Variants in CAMKV observed in about 807,000 individuals in gnomAD.
CAMKV encodes caM kinase-like vesicle-associated protein.
In CAMKV, 5 loss-of-function variants were observed where a neutral mutation model predicts 50.2. The observed-to-expected ratio is 0.10, with a 90% CI of 0.05 to 0.21. CAMKV has a LOEUF of 0.21. Ranked by LOEUF, CAMKV falls within the 10% of genes least tolerant of loss-of-function variation. The pLI, the probability that CAMKV is intolerant of heterozygous loss-of-function variation, is 1.00. For synonymous variants in CAMKV, 229 were observed against 250.1 expected, an observed-to-expected ratio of 0.92 and a Z score of 0.80; for missense variants, 361 against 650.5, an observed-to-expected ratio of 0.55 and a Z score of 4.84.
chr3:49,862,235 A>T lies in CAMKV; in HGVS notation c.95+59T>A. The T allele has an allele frequency of 6.2e-7, 1 of 1,614,038 alleles. No individual in the cohort carries two copies. ...TTAGCATCAGCTGCACTCCACTGCCACTTCCCTAGCCCCTGCTCACCAGCC... is the reference window on the plus strand; with the variant it reads ...TTAGCATCAGCTGCACTCCACTGCCTCTTCCCTAGCCCCTGCTCACCAGCC... On this transcript the variant is annotated intron_variant, in intron 2 of 10. Transcript: ENST00000477224. The surrounding 1 kb of genome is among the most constrained non-coding windows in gnomAD (Gnocchi z 5.2).
In CAMKV at chr3:49,860,438, G is replaced by A. The variant is rs1223103604; in HGVS notation, c.854+33C>T. ...GGCTGCTGGGTGTGAGGGGGACCCT[G>A]GCCTCTCCCACCCTCCCCTGGACCC... On this transcript the variant is annotated intron_variant, in intron 9 of 10. Coordinates refer to ENST00000477224, the MANE Select transcript of CAMKV (RefSeq NM_024046.5). This position sits in a 1 kb window ranked among gnomAD's most constrained non-coding sequence, Gnocchi z 6.1. 1.2e-6 allele frequency: 2 copies of A among 1,604,098 alleles called. No individual in the cohort carries two copies. Among genetic ancestry groups the A allele is most frequent in the Non-Finnish European group, 1.7e-6 (2 of 1,172,876 alleles).
At chr3:49,866,835 C>T (rs770073128) in intron 1 of CAMKV, among the ~76,000 whole-genome samples, 4 of 152,248 alleles carry the variant, frequency 2.6e-5, no homozygotes, top group Admixed American at 6.5e-5. Flanking sequence ...CCAAGAGGTC[C>T]GGAGGCCCCA....
Position 49,859,301 on chromosome 3 carries a change from C to A in CAMKV, c.*17G>T, listed in dbSNP as rs765553809. The A allele has an allele frequency of 3.3e-6, 5 of 1,516,262 alleles. No individual in the cohort carries two copies. Among genetic ancestry groups the A allele is most frequent in the Middle Eastern group, 2.0e-4 (1 of 4,894 alleles). 93.9% of individuals were successfully genotyped at this position (1,516,262 alleles called of 1,614,324 possible). A position where few individuals can be genotyped will look rare whatever the true frequency, so the allele number is the denominator to read the frequency against. ...CCCTCCTGCCCATCCCCTGCCCCCCCTCACCAGGCTGCCTACTCAGCTGGC... is the reference window on the plus strand; with the variant it reads ...CCCTCCTGCCCATCCCCTGCCCCCCATCACCAGGCTGCCTACTCAGCTGGC... On this transcript the variant is annotated 3_prime_UTR_variant, in exon 11 of 11. Coordinates refer to ENST00000477224, the MANE Select transcript of CAMKV (RefSeq NM_024046.5). The surrounding 1 kb of genome is among the most constrained non-coding windows in gnomAD (Gnocchi z 5.5).
rs1191641665 is a variant in CAMKV, at chr3:49,861,859, C to T, written c.234G>A (p.Lys78=). 8 of 1,613,864 alleles carry T rather than the reference C, an allele frequency of 5.0e-6. No individual in the cohort carries two copies. Among genetic ancestry groups the T allele is most frequent in the Admixed American group, 3.3e-5 (2 of 60,026 alleles). Residue 78 remains lysine (K), a synonymous_variant, in exon 4 of 11, where the codon AAG becomes AAA. Transcript: ENST00000477224. The surrounding 1 kb of genome is among the most constrained non-coding windows in gnomAD (Gnocchi z 7.7). ...KNEIGILKMV[K]HPNILQLVDV... ...CCACCAGCTGTAGGATGTTGGGATG[C>T]TTCACCCTGGCGACAGGGAGGGGAG...
chr3:49,859,454 G>A lies in CAMKV; in HGVS notation c.1370C>T (p.Ala457Val). The change falls in exon 11 of 11, where the codon GCT becomes GTT. Residue 457 changes from alanine (A) to valine (V), a missense_variant. Coordinates refer to ENST00000477224, the MANE Select transcript of CAMKV (RefSeq NM_024046.5). This position sits in a 1 kb window ranked among gnomAD's most constrained non-coding sequence, Gnocchi z 5.5. ...GGCCATAGCCGGCTCAGGGGTGGCA[G>A]CTGCCTTGGTGGCCAGCATGGCACT... is the stretch of plus-strand genomic sequence containing the variant. ...QSSAMLATKA[A>V]ATPEPAMAQP... The A allele has an allele frequency of 6.2e-7, 1 of 1,613,822 alleles. No individual in the cohort carries two copies. Among genetic ancestry groups the A allele is most frequent in the Non-Finnish European group, 8.5e-7 (1 of 1,179,752 alleles).
Position 49,861,645 on chromosome 3 carries a change from G to A in CAMKV, c.303-68C>T, listed in dbSNP as rs1190688234. On this transcript the variant is annotated intron_variant, in intron 4 of 10. Transcript: ENST00000477224. This position sits in a 1 kb window ranked among gnomAD's most constrained non-coding sequence, Gnocchi z 7.7. The stretch of plus-strand genomic sequence containing the variant: ...GGGTAGGGCAGGAGCACTTGGGTGA[G>A]CTGCCTACGCCAGGCAGCTGGCTGA... 6.2e-7 allele frequency: 1 copy of A among 1,607,762 alleles called. No homozygotes were observed. The highest frequency in any genetic ancestry group is 1.7e-5 in the Admixed American group (1 of 59,748).
rs1320313 is a variant in CAMKV, at chr3:49,862,523, A to C, written c.-14-121T>G. On this transcript the variant is annotated intron_variant, in intron 1 of 10. Transcript: ENST00000477224. This position sits in a 1 kb window ranked among gnomAD's most constrained non-coding sequence, Gnocchi z 5.2. ...AGCTAGGGGCAGAGACCATACCAGG[A>C]GGGGCTAGAGGATAGGCAGGCTTAG... The C allele has an allele frequency of 1.1e-5, 9 of 783,188 alleles. No individual in the cohort carries two copies. The African/African-American group carries it at 1.2e-4, about 10-fold the overall frequency. 48.5% of individuals were successfully genotyped at this position (783,188 alleles called of 1,614,324 possible).
In CAMKV at chr3:49,862,724, G is replaced by A. The variant is rs2082032544; in HGVS notation, c.-14-322C>T. Among the ~76,000 whole-genome samples, 1 of 152,256 alleles carries A rather than the reference G, an allele frequency of 6.6e-6. No individual in the cohort carries two copies. The highest frequency in any genetic ancestry group is 1.5e-5 in the Non-Finnish European group (1 of 68,048). ...TTATTTAAATTTCAGCTATTTTACA[G>A]ATGAAGGGGGCTATAACCACCCACC... On this transcript the variant is annotated intron_variant, in intron 1 of 10. Coordinates refer to ENST00000477224, the MANE Select transcript of CAMKV (RefSeq NM_024046.5). This position sits in a 1 kb window ranked among gnomAD's most constrained non-coding sequence, Gnocchi z 5.2.
Position 49,861,158 on chromosome 3 carries a change from C to T in CAMKV, c.562+22G>A, listed in dbSNP as rs754741738. On this transcript the variant is annotated intron_variant, in intron 6 of 10. Coordinates refer to ENST00000477224, the MANE Select transcript of CAMKV (RefSeq NM_024046.5). The surrounding 1 kb of genome is among the most constrained non-coding windows in gnomAD (Gnocchi z 7.7). ...AGGCTGCCCCCCATTATCCCCCTGCCCCTGCCCCACCCCCTGCTTGCCCAG... is the reference window on the plus strand; with the variant it reads ...AGGCTGCCCCCCATTATCCCCCTGCTCCTGCCCCACCCCCTGCTTGCCCAG... 2.4e-5 allele frequency: 39 copies of T among 1,601,470 alleles called. No homozygotes were observed. Among genetic ancestry groups the T allele is most frequent in the Non-Finnish European group, 3.0e-5 (35 of 1,174,460 alleles).
At position 49,862,350 on chromosome 3, in the gene CAMKV, GTTC is replaced by G; in HGVS notation, c.36_38del (p.Lys12del). On this transcript the variant is annotated inframe_deletion, in exon 2 of 11. Transcript: ENST00000477224. The surrounding 1 kb of genome is among the most constrained non-coding windows in gnomAD (Gnocchi z 5.2). ...CAGTCACCTCCGATGGCTGGTTATAGTTCTTCTTGTCGCCCAGAGTCACACACC... is the reference window on the plus strand; with the variant it reads ...CAGTCACCTCCGATGGCTGGTTATAGTTCTTGTCGCCCAGAGTCACACACC... 4 of 1,614,210 alleles carry G rather than the reference GTTC, an allele frequency of 2.5e-6. No individual in the cohort carries two copies. Among genetic ancestry groups the G allele is most frequent in the South Asian group, 1.1e-5 (1 of 91,092 alleles).
In CAMKV at chr3:49,859,239, T is replaced by C. The variant is rs1166249261; in HGVS notation, c.*79A>G. ...GGAGCGAGGGCATCATGCCAGTGACTCTATGTACAGTGAGAAGCCCCTCAT... is the reference window on the plus strand; with the variant it reads ...GGAGCGAGGGCATCATGCCAGTGACCCTATGTACAGTGAGAAGCCCCTCAT... On this transcript the variant is annotated 3_prime_UTR_variant, in exon 11 of 11. Transcript: ENST00000477224. This position sits in a 1 kb window ranked among gnomAD's most constrained non-coding sequence, Gnocchi z 5.5. 3.9e-6 allele frequency: 5 copies of C among 1,293,794 alleles called. No homozygotes were observed. The highest frequency in any genetic ancestry group is 5.3e-6 in the Non-Finnish European group (5 of 946,098). 80.1% of individuals were successfully genotyped at this position (1,293,794 alleles called of 1,614,324 possible).
chr3:49,868,777 C>T (rs2108335592), intron 1 of CAMKV, among the ~76,000 whole-genome samples: 1 of 152,254 alleles, frequency 6.6e-6, no homozygotes, highest in South Asian at 2.1e-4. Flanking sequence ...GGGCTCAAAG[C>T]CTGGACTTGG....
chr3:49,868,584 C>T (rs984153944), intron 1 of CAMKV, among the ~76,000 whole-genome samples: 1 of 152,154 alleles, frequency 6.6e-6, no homozygotes, highest in African/African-American at 2.4e-5. Flanking sequence ...TAGGAGAGCA[C>T]CTGAAGGGTC....
rs372936283 is a variant in CAMKV at position 49,860,450 on chromosome 3, C to G, written c.854+21G>C. On this transcript the variant is annotated intron_variant, in intron 9 of 10. Coordinates refer to ENST00000477224, the MANE Select transcript of CAMKV (RefSeq NM_024046.5). The surrounding 1 kb of genome is among the most constrained non-coding windows in gnomAD (Gnocchi z 6.1). Reference sequence around the variant, plus strand: ...TGAGGGGGACCCTGGCCTCTCCCACCCTCCCCTGGACCCTGCTCACCACTC... The same window carrying G: ...TGAGGGGGACCCTGGCCTCTCCCACGCTCCCCTGGACCCTGCTCACCACTC... The G allele has an allele frequency of 4.3e-6, 7 of 1,610,784 alleles. No homozygotes were observed. The highest frequency in any genetic ancestry group is 5.1e-6 in the Non-Finnish European group (6 of 1,178,236).
Position 49,859,582 on chromosome 3 carries a change from A to C in CAMKV, c.1242T>G (p.Thr414=), listed in dbSNP as rs1231930870. ...PATDGSITPA[T]DGSVTPATDR... is the part of the protein sequence containing the mutation. ...CAGTGGCTGGGGTGACACTCCCATC[A>C]GTGGCTGGAGTGATGCTTCCATCGG... The change falls in exon 11 of 11, where the codon ACT becomes ACG. Residue 414 remains threonine, a synonymous_variant. Coordinates refer to ENST00000477224, the MANE Select transcript of CAMKV (RefSeq NM_024046.5). The surrounding 1 kb of genome is among the most constrained non-coding windows in gnomAD (Gnocchi z 5.5). 1.4e-5 allele frequency: 22 copies of C among 1,613,992 alleles called. No homozygotes were observed. The highest frequency in any genetic ancestry group is 1.8e-5 in the Non-Finnish European group (21 of 1,179,950).
chr3:49,859,134 A>G lies in CAMKV; in HGVS notation c.*184T>C. ...CGGCCCTGCCACTGGCCTGCCCACCACTCACACACATACACACAGGAGACG... is the reference window on the plus strand; with the variant it reads ...CGGCCCTGCCACTGGCCTGCCCACCGCTCACACACATACACACAGGAGACG... On this transcript the variant is annotated 3_prime_UTR_variant, in exon 11 of 11. Transcript: ENST00000477224. The surrounding 1 kb of genome is among the most constrained non-coding windows in gnomAD (Gnocchi z 5.5). 3.9e-6 allele frequency: 2 copies of G among 514,388 alleles called. No individual in the cohort carries two copies. The highest frequency in any genetic ancestry group is 6.1e-5 in the East Asian group (2 of 33,004). 31.9% of individuals were successfully genotyped at this position (514,388 alleles called of 1,614,324 possible).
Position 49,858,400 on chromosome 3 carries a change from G to T in CAMKV, c.*918C>A. 1 of 398,464 alleles carries T rather than the reference G, an allele frequency of 2.5e-6. No individual in the cohort carries two copies. The highest frequency in any genetic ancestry group is 4.4e-6 in the Non-Finnish European group (1 of 226,026). 24.7% of individuals were successfully genotyped at this position (398,464 alleles called of 1,614,324 possible). ...TATTGCCATGCAGCAAGCCCCCTAG[G>T]GTGGAGAGGACTTGTGGGCTGAGAT... On this transcript the variant is annotated 3_prime_UTR_variant, in exon 11 of 11. Transcript: ENST00000477224.
rs536810134 is a variant in CAMKV at position 49,862,185 on chromosome 3, G to A, written c.96-9C>T. On this transcript the variant is annotated splice_polypyrimidine_tract_variant and intron_variant, in intron 2 of 10. Coordinates refer to ENST00000477224, the MANE Select transcript of CAMKV (RefSeq NM_024046.5). The surrounding 1 kb of genome is among the most constrained non-coding windows in gnomAD (Gnocchi z 5.2). ...TTTCACAAAACTCCTCACTGCAGCC[G>A]ACAGGCACCCACTCAGGCCTGGCCT... The A allele has an allele frequency of 2.2e-5, 36 of 1,614,110 alleles. No individual in the cohort carries two copies. Among genetic ancestry groups the A allele is most frequent in the African/African-American group, 6.7e-5 (5 of 75,030 alleles).
chr3:49,868,907 G>C (rs930007654), intron 1 of CAMKV, among the ~76,000 whole-genome samples: 6 of 152,174 alleles, frequency 3.9e-5, no homozygotes. Context: ...TGGGAGGTGC[G>C]GACAAAAGCA....
Sources: allele counts gnomAD v4.1 joint callset (sites outside exome capture counted in the v4.1 genomes callset), GRCh38; gene constraint gnomAD v4.1.1; non-coding constraint Gnocchi (gnomAD v3.1); transcripts MANE v1.5; gene names NCBI Gene and HGNC (gene_info 2026-07-23, HGNC 2026-07-21).